Variants in CLASRP observed in about 807,000 individuals in gnomAD.
CLASRP encodes CLK4-associating serine/arginine rich protein.
CLASRP carries 52 observed loss-of-function variants against 99.9 expected under a neutral mutation model. The ratio of observed to expected loss-of-function variants is 0.52; its 90% confidence interval spans 0.42 to 0.66. The LOEUF is 0.66. CLASRP is among the 30% of genes least tolerant of loss of function. The pLI is 0.00. For synonymous variants in CLASRP, 379 were observed against 373.0 expected, an observed-to-expected ratio of 1.02 and a Z score of -0.18; for missense variants, 848 against 999.2, an observed-to-expected ratio of 0.85 and a Z score of 2.04.
chr19:45,067,766 G>T lies in CLASRP; in HGVS notation c.1667+172G>T, dbSNP rs1424129174. The stretch of plus-strand genomic sequence containing the variant: ...GGGGGACACAGCCCTGGCCTGGGGG[G>T]TCTGAGGAGGACACACCAAATCCTG... On this transcript the variant is annotated intron_variant, in intron 14 of 20. Coordinates refer to ENST00000221455, the MANE Select transcript of CLASRP (RefSeq NM_007056.3). The surrounding 1 kb of genome is among the most constrained non-coding windows in gnomAD (Gnocchi z 4.9). Among the ~76,000 whole-genome samples the T allele has an allele frequency of 6.6e-6, 1 of 152,182 alleles. No individual in the cohort carries two copies. Among genetic ancestry groups the T allele is most frequent in the African/African-American group, 2.4e-5 (1 of 41,436 alleles).
At chr19:45,068,178 G>A in intron 15 of CLASRP, 124 bp downstream of exon 15, 1 of 818,344 alleles carries the variant, frequency 1.2e-6, no homozygotes, top group South Asian at 1.4e-5. Flanking sequence ...GACAGGGAGG[G>A]GAGGGGAAGG....
At chr19:45,040,073 A>C in intron 1 of CLASRP, 111 bp from the exon 2 acceptor site, 2 of 592,010 alleles carry the variant, frequency 3.4e-6, no homozygotes, top group East Asian at 3.0e-5. Context: ...CCCTGAAGCT[A>C]AGAGATGTGT....
At chr19:45,069,309 C>T in intron 18 of CLASRP, 61 bp downstream of exon 18, 14 of 1,555,494 alleles carry the variant, frequency 9.0e-6, no homozygotes, top group Non-Finnish European at 1.1e-5. Flanking sequence ...GCCTTCCCAC[C>T]ATGGGCTGCT....
chr19:45,050,390 A>G (rs989841354), intron 2 of CLASRP, among the ~76,000 whole-genome samples: 1 of 152,202 alleles, frequency 6.6e-6, no homozygotes, highest in Non-Finnish European at 1.5e-5. Context: ...AGGACAGACT[A>G]TAACAAGTAG....
rs1168815594 is a variant in CLASRP at position 45,060,346 on chromosome 19, G to A, written c.711-43G>A. The A allele has an allele frequency of 1.3e-5, 20 of 1,568,522 alleles. No homozygotes were observed. Among genetic ancestry groups the A allele is most frequent in the Non-Finnish European group, 1.8e-5 (20 of 1,138,824 alleles). On this transcript the variant is annotated intron_variant, in intron 8 of 20. Coordinates refer to ENST00000221455, the MANE Select transcript of CLASRP (RefSeq NM_007056.3). This position sits in a 1 kb window ranked among gnomAD's most constrained non-coding sequence, Gnocchi z 4.6. Reference sequence around the variant, plus strand: ...TCAGTCTGTGTCCTCCTTACCCTGTGGCCTGCCCCATCCTCCACCCTAATT... The same window carrying A: ...TCAGTCTGTGTCCTCCTTACCCTGTAGCCTGCCCCATCCTCCACCCTAATT...
chr19:45,053,446 A>G (rs983478430), intron 5 of CLASRP, among the ~76,000 whole-genome samples: 41 of 152,148 alleles, frequency 2.7e-4, no homozygotes, highest in Non-Finnish European at 4.7e-4. Context: ...TCTTTAAAAA[A>G]TAGAGAAAAT....
At chr19:45,058,313 C>T (rs886717764) in intron 7 of CLASRP, 1 of 180,536 alleles carries the variant, frequency 5.5e-6, no homozygotes, top group African/African-American at 2.3e-5. Context: ...TGGATTCCCA[C>T]TGATCAAACC....
chr19:45,057,277 C>T (rs1270418229), intron 6 of CLASRP, among the ~76,000 whole-genome samples: 1 of 152,190 alleles, frequency 6.6e-6, no homozygotes, highest in African/African-American at 2.4e-5. Flanking sequence ...CTGCTTGCCG[C>T]CTTCCTCCAC....
At chr19:45,047,580 TAAAAG>T (rs1405064981) in intron 2 of CLASRP, 3 of 151,372 alleles carry the variant, frequency 2.0e-5, no homozygotes, top group South Asian at 2.1e-4. Context: ...AAAAAAAACC[TAAAAG>T]AAAAGTCAAA....
chr19:45,057,229 A>G (rs1972136229), intron 6 of CLASRP, among the ~76,000 whole-genome samples: 1 of 152,158 alleles, frequency 6.6e-6, no homozygotes, highest in African/African-American at 2.4e-5. Flanking sequence ...GGGGCTGGGC[A>G]GCTCCCTCAG....
At chr19:45,063,083 A>G (rs368691556) in intron 11 of CLASRP, among the ~76,000 whole-genome samples, 1 of 152,110 alleles carries the variant, frequency 6.6e-6, no homozygotes. Context: ...TAAAAGGTGT[A>G]GGTTAGTGCT....
intron 15 of CLASRP, 31 bp downstream of exon 15, chr19:45,068,085 A>G (rs543896782): frequency 6.2e-7 from 1 of 1,609,906 alleles, no homozygotes; most frequent in African/African-American, 1.3e-5. Flanking sequence ...CGCCCGTCTA[A>G]TTCCCGTCAG....
At chr19:45,044,362 T>C (rs1971874807) in intron 2 of CLASRP, among the ~76,000 whole-genome samples, 1 of 152,222 alleles carries the variant, frequency 6.6e-6, no homozygotes, top group South Asian at 2.1e-4. Flanking sequence ...ACTACTTGGC[T>C]TGTGTCTCCG....
chr19:45,044,752 A>T (rs1445601726), intron 2 of CLASRP, among the ~76,000 whole-genome samples: 1 of 152,096 alleles, frequency 6.6e-6, no homozygotes, highest in Non-Finnish European at 1.5e-5. Context: ...ACAGAGTGAG[A>T]CCCTGTCTCA....
chr19:45,067,573 C>T lies in CLASRP; in HGVS notation c.1646C>T (p.Ala549Val), dbSNP rs1056736260. 20 of 1,601,434 alleles carry T rather than the reference C, an allele frequency of 1.2e-5. No homozygotes were observed. In the African/African-American group the frequency reaches 2.1e-4, roughly 17 times the overall value. The change falls in exon 14 of 21, where the codon GCT (alanine) becomes GTT (valine). Residue 549 changes from alanine to valine, a missense_variant. Around this residue, in one of 8 missense-constraint regions of CLASRP, gnomAD observed 489 missense variants for 434.7 expected, o/e 1.12. Transcript: ENST00000221455. The surrounding 1 kb of genome is among the most constrained non-coding windows in gnomAD (Gnocchi z 4.9). ...EKLTRPAASPAVGEKLKKTEP... is the reference protein window; with the variant it reads ...EKLTRPAASPVVGEKLKKTEP... ...CTGACCAGGCCGGCCGCGTCCCCTG[C>T]TGTGGGCGAGAAGCTGAAAAAGTGA...
intron 2 of CLASRP, among the ~76,000 whole-genome samples, chr19:45,043,920 C>T (rs996033793): frequency 4.6e-5 from 7 of 151,740 alleles, no homozygotes; most frequent in Admixed American, 2.6e-4. Flanking sequence ...CTGGCTCTGT[C>T]GCCCAGGCTG....
At chr19:45,065,384 G>A (rs1263429502) in intron 13 of CLASRP, among the ~76,000 whole-genome samples, 5 of 124,008 alleles carry the variant, frequency 4.0e-5, no homozygotes, top group Admixed American at 1.8e-4. Flanking sequence ...GTGAGATTCC[G>A]TCTCAAAAAA....
At chr19:45,053,068 C>CT (rs1676629973) in intron 4 of CLASRP, 30 bp from the exon 5 acceptor site, 1 of 1,613,056 alleles carries the variant, frequency 6.2e-7, no homozygotes, top group Admixed American at 1.7e-5. Flanking sequence ...CTCCTTCTCT[C>CT]TGATTTCAAG....
rs1972058206 is a variant in CLASRP, at chr19:45,053,141, C to T, written c.343C>T (p.Arg115Cys). ...GGACGAACGGAAGTGTAACTACGAG[C>T]GCTACAGAGGCCTGGTGCAGAACGA... ...ESDERKCNYE[R>C]YRGLVQNDFA... is the part of the protein sequence containing the mutation. Residue 115 changes from arginine to cysteine, a missense_variant, in exon 5 of 21, where the codon CGC becomes TGC. Coordinates refer to ENST00000221455, the MANE Select transcript of CLASRP (RefSeq NM_007056.3). 3 of 1,613,946 alleles carry T rather than the reference C, an allele frequency of 1.9e-6. No homozygotes were observed. The highest frequency in any genetic ancestry group is 2.5e-6 in the Non-Finnish European group (3 of 1,180,004).
Sources: gnomAD v4.1 joint callset for allele counts (sites outside exome capture counted in the v4.1 genomes callset) on GRCh38, gnomAD v4.1.1 for gene constraint, gnomAD v4.1.1 regional missense constraint, Gnocchi (gnomAD v3.1) non-coding constraint, MANE v1.5 for transcripts, NCBI Gene and HGNC (gene_info 2026-07-23, HGNC 2026-07-21) for gene names.